The following CDKL2 variants were observed in gnomAD, a reference collection of about 807,000 sequenced individuals.
CDKL2 encodes the protein cyclin dependent kinase like 2.
CDKL2 carries 64 observed loss-of-function variants against 63.9 expected under a neutral mutation model. That is an observed-to-expected ratio of 1.00 (90% CI 0.82 to 1.23). CDKL2 has a LOEUF of 1.23. Ranked by LOEUF, CDKL2 falls within the 50% of genes most tolerant of loss-of-function variation. The pLI is 0.00. For synonymous variants in CDKL2, 211 were observed against 229.2 expected (o/e 0.92, Z 0.72); for missense variants, 656 against 668.0 (o/e 0.98, Z 0.20).
chr4:75,597,091 A>G lies in CDKL2; in HGVS notation c.1166T>C (p.Val389Ala), dbSNP rs774075055. 1.2e-6 allele frequency: 2 copies of G among 1,613,994 alleles called. No individual in the cohort carries two copies. The highest frequency in any genetic ancestry group is 2.7e-5 in the African/African-American group (2 of 74,882). The change falls in exon 9 of 14, where the codon GTG becomes GCG. Residue 389 changes from valine (V) to alanine (A), a missense_variant. By Grantham distance (64) the Val-to-Ala change is moderately conservative. Coordinates refer to ENST00000307465, the MANE Select transcript of CDKL2 (RefSeq NM_001330724.2). ...GCAGTCTTTGAGGCTTGTTGAAGGC[A>G]CTATTTTGTTGTGGCTTGTCCTACT... ...HDSRTSHNKI[V>A]PSTSLKDCSN...
At chr4:75,587,001 C>T (rs771209427) in intron 12 of CDKL2, among the ~76,000 whole-genome samples, 2 of 152,122 alleles carry the variant, frequency 1.3e-5, no homozygotes, top group Non-Finnish European at 2.9e-5. Flanking sequence ...AGGGAACTGA[C>T]AGATAACAGA....
intron 7 of CDKL2, among the ~76,000 whole-genome samples, chr4:75,599,666 T>TTCATATAC (rs1368597467): frequency 6.6e-6 from 1 of 152,022 alleles, no homozygotes; most frequent in Non-Finnish European, 1.5e-5. Flanking sequence ...CCAGAGTTTC[T>TTCATATAC]TCATATACTT....
rs1245164286 is a variant in CDKL2, at chr4:75,587,990, G to A, written c.1647+3829C>T. ...AGCACTTTGGGAGGCCAAGGCAGGC[G>A]GATCACCTGAGGTCGGGAGTTCAAG... On this transcript the variant is annotated intron_variant, in intron 12 of 13. Transcript: ENST00000307465. 1.3e-4 allele frequency among the ~76,000 whole-genome samples: 20 copies of A among 151,712 alleles called. 1 individual carries two copies. The highest frequency in any genetic ancestry group is 2.1e-4 in the South Asian group (1 of 4,800).
intron 2 of CDKL2, 118 bp from the exon 3 acceptor site, chr4:75,614,567 A>G: frequency 4.8e-6 from 3 of 620,268 alleles, no homozygotes; most frequent in South Asian, 2.7e-5. Flanking sequence ...AGAAAAATAT[A>G]TAAATAAAAT....
chr4:75,576,943 C>T lies in CDKL2; in HGVS notation c.*2259G>A, dbSNP rs1428600408. On this transcript the variant is annotated 3_prime_UTR_variant, in exon 14 of 14. Transcript: ENST00000307465. Reference sequence around the variant, plus strand: ...TAAGAAATGTTATTTTATGACCATGCTGCTTATATCACCAGCTATACAAGA... The same window carrying T: ...TAAGAAATGTTATTTTATGACCATGTTGCTTATATCACCAGCTATACAAGA... 6.6e-6 allele frequency among the ~76,000 whole-genome samples: 1 copy of T among 152,180 alleles called. No individual in the cohort carries two copies. The highest frequency in any genetic ancestry group is 2.4e-5 in the African/African-American group (1 of 41,442).
At chr4:75,607,606 A>T (rs892945584) in intron 3 of CDKL2, among the ~76,000 whole-genome samples, 1 of 152,190 alleles carries the variant, frequency 6.6e-6, no homozygotes, top group African/African-American at 2.4e-5. Context: ...TCAACTGTTC[A>T]GTTAATGTAC....
rs1350274606 is a variant in CDKL2 at position 75,578,031 on chromosome 4, TA to T, written c.*1170del. The T allele has an allele frequency of 6.8e-6, 1 of 147,008 alleles. No individual in the cohort carries two copies. The highest frequency in any genetic ancestry group is 2.5e-5 in the African/African-American group (1 of 40,428). The allele number at this position is 147,008 out of a possible 1,614,324, so 9.1% of individuals were successfully genotyped here. ...AAAAAACTCACAAATTCTGGTTCCCTAAACAACCATTCTCTAAAATGATAAA... is the reference window on the plus strand; with the variant it reads ...AAAAAACTCACAAATTCTGGTTCCCTAACAACCATTCTCTAAAATGATAAA... On this transcript the variant is annotated 3_prime_UTR_variant, in exon 14 of 14. Coordinates refer to ENST00000307465, the MANE Select transcript of CDKL2 (RefSeq NM_001330724.2).
At chr4:75,627,745 T>TC in intron 1 of CDKL2, among the ~76,000 whole-genome samples, 1 of 142,610 alleles carries the variant, frequency 7.0e-6, no homozygotes, top group South Asian at 2.2e-4. Flanking sequence ...TTTTTTTTTT[T>TC]TTTTTTGAAA....
At position 75,607,314 on chromosome 4, in the gene CDKL2, A is replaced by C. The variant is rs763572128; in HGVS notation, c.411T>G (p.Ser137=). 12 of 1,614,136 alleles carry C rather than the reference A, an allele frequency of 7.4e-6. No homozygotes were observed. The South Asian group carries it at 1.3e-4, about 18-fold the overall frequency. Residue 137 remains serine (S), a synonymous_variant, in exon 4 of 14, where the codon TCT becomes TCG. Coordinates refer to ENST00000307465, the MANE Select transcript of CDKL2 (RefSeq NM_001330724.2). ...CAAAATCGCATAGCTTGACAACGCC[A>C]GACTGGGAGACTAATATATTCTCTG... The part of the protein sequence containing the change: ...IKPENILVSQ[S]GVVKLCDFGF...
At chr4:75,618,533 C>T (rs1008772899) in intron 2 of CDKL2, among the ~76,000 whole-genome samples, 2 of 151,928 alleles carry the variant, frequency 1.3e-5, no homozygotes, top group Non-Finnish European at 2.9e-5. Context: ...GGATTACAAG[C>T]GTGAGTTGCC....
chr4:75,611,218 G>A (rs997186797), intron 3 of CDKL2, among the ~76,000 whole-genome samples: 14 of 152,088 alleles, frequency 9.2e-5, no homozygotes, highest in Non-Finnish European at 1.9e-4. Context: ...CAGCACTTTG[G>A]GAGGCCGAGG....
At chr4:75,611,374 G>A (rs940495358) in intron 3 of CDKL2, among the ~76,000 whole-genome samples, 10 of 148,866 alleles carry the variant, frequency 6.7e-5, no homozygotes, top group Admixed American at 4.1e-4. Flanking sequence ...CAGGAGAACC[G>A]CTTGAACCCA....
chr4:75,629,772 T>A (rs1382665434), intron 1 of CDKL2, among the ~76,000 whole-genome samples: 2 of 151,702 alleles, frequency 1.3e-5, no homozygotes, highest in East Asian at 3.9e-4. Flanking sequence ...AAACCCTGTC[T>A]CTACTAAAAA....
intron 3 of CDKL2, among the ~76,000 whole-genome samples, chr4:75,610,071 A>G (rs1300141982): frequency 2.0e-5 from 3 of 152,004 alleles, no homozygotes; most frequent in East Asian, 1.9e-4. Flanking sequence ...GCGTGGTGGC[A>G]GGCGCCTGTA....
At chr4:75,603,014 A>T in intron 6 of CDKL2, among the ~76,000 whole-genome samples, 3 of 105,896 alleles carry the variant, frequency 2.8e-5, no homozygotes, top group African/African-American at 8.0e-5. Flanking sequence ...TTTTTTTGAG[A>T]CGGAGTCTCG....
chr4:75,622,836 T>C (rs1381132930), intron 2 of CDKL2, among the ~76,000 whole-genome samples: 1 of 151,860 alleles, frequency 6.6e-6, no homozygotes, highest in Admixed American at 6.6e-5. Flanking sequence ...AAATTGATTG[T>C]ATAAATTCAA....
intron 1 of CDKL2, among the ~76,000 whole-genome samples, chr4:75,626,793 AG>A (rs1730441256): frequency 6.6e-6 from 1 of 152,148 alleles, no homozygotes; most frequent in Admixed American, 6.5e-5. Context: ...TGGGAGGCTG[AG>A]GCAGGAGAAT....
At chr4:75,602,688 AT>A (rs1245025876) in intron 6 of CDKL2, among the ~76,000 whole-genome samples, 1 of 150,770 alleles carries the variant, frequency 6.6e-6, no homozygotes. Flanking sequence ...TGCCCAGCTA[AT>A]TTTTTTGTAT....
chr4:75,609,906 G>C (rs1729608637), intron 3 of CDKL2, among the ~76,000 whole-genome samples: 2 of 151,430 alleles, frequency 1.3e-5, no homozygotes, highest in Admixed American at 1.3e-4. Flanking sequence ...TGCTGTAGTA[G>C]AAAGAGCTAA....
Sources: allele counts gnomAD v4.1 joint callset (sites outside exome capture counted in the v4.1 genomes callset), GRCh38; gene constraint gnomAD v4.1.1; transcripts MANE v1.5; gene names NCBI Gene and HGNC (gene_info 2026-07-23, HGNC 2026-07-21).